The following ARFGEF2 variants were observed in gnomAD, a reference collection of about 807,000 sequenced individuals.
The protein encoded by ARFGEF2 is brefeldin A-inhibited guanine nucleotide-exchange protein 2.
Under a neutral mutation model 219.9 loss-of-function variants are expected in ARFGEF2, and 74 were observed. The ratio of observed to expected loss-of-function variants is 0.34; its 90% CI spans 0.28 to 0.41. The LOEUF (loss-of-function observed/expected upper bound fraction) is 0.41. ARFGEF2 is among the 10% of genes least tolerant of loss of function. The pLI, the probability that ARFGEF2 is intolerant of heterozygous loss-of-function variation, is 1.00. For synonymous variants in ARFGEF2, 733 were observed against 799.2 expected, an observed-to-expected ratio of 0.92 and a Z score of 1.40; for missense variants, 1,743 against 2,218.3, an observed-to-expected ratio of 0.79 and a Z score of 4.30.
At chr20:49,019,115 C>A in intron 34 of ARFGEF2, 117 bp downstream of exon 34, 1 of 849,630 alleles carries the variant, frequency 1.2e-6, no homozygotes, top group Non-Finnish European at 1.9e-6. Flanking sequence ...CTCAGTCTGC[C>A]AGTTCTCTGT....
chr20:48,945,256 A>T (rs375767476), intron 3 of ARFGEF2, among the ~76,000 whole-genome samples: 1 of 152,198 alleles, frequency 6.6e-6, no homozygotes, highest in South Asian at 2.1e-4. Context: ...AGCAACAGCT[A>T]TGCCCATTCG....
chr20:49,030,264 T>C (rs1044180799), intron 37 of ARFGEF2, among the ~76,000 whole-genome samples: 1 of 152,094 alleles, frequency 6.6e-6, no homozygotes, highest in African/African-American at 2.4e-5. Flanking sequence ...CATAATACAA[T>C]AATTTTTACC....
chr20:48,982,390 G>GC (rs2091301534), intron 14 of ARFGEF2, among the ~76,000 whole-genome samples: 1 of 152,154 alleles, frequency 6.6e-6, no homozygotes, highest in African/African-American at 2.4e-5. Context: ...TCCCAGAGGG[G>GC]CACCCGCCTG....
intron 1 of ARFGEF2, 98 bp downstream of exon 1, chr20:48,922,108 CCCCCCG>C (rs2090845737): frequency 2.7e-6 from 4 of 1,469,378 alleles, no homozygotes; most frequent in Non-Finnish European, 3.6e-6. Flanking sequence ...GCCTCCGCTT[CCCCCCG>C]ATCCCGAATT....
intron 3 of ARFGEF2, among the ~76,000 whole-genome samples, chr20:48,945,399 G>A (rs1249546950): frequency 6.6e-6 from 1 of 152,172 alleles, no homozygotes; most frequent in Non-Finnish European, 1.5e-5. Context: ...GCTCTTAACT[G>A]GCCCCTGCTC....
At chr20:48,922,137 C>A in intron 1 of ARFGEF2, 127 bp downstream of exon 1, 2 of 1,407,622 alleles carry the variant, frequency 1.4e-6, no homozygotes, top group Non-Finnish European at 1.9e-6. Flanking sequence ...ACCCTTCCGG[C>A]CTCCTCCTCA....
chr20:49,013,986 T>TA, intron 30 of ARFGEF2, 26 bp downstream of exon 30: 1 of 1,613,488 alleles, frequency 6.2e-7, no homozygotes, highest in South Asian at 1.1e-5. Flanking sequence ...AGCACTGCCC[T>TA]AGGTATGATG....
intron 37 of ARFGEF2, among the ~76,000 whole-genome samples, chr20:49,030,293 G>C (rs1432282944): frequency 2.6e-5 from 4 of 151,998 alleles, no homozygotes; most frequent in African/African-American, 7.2e-5. Flanking sequence ...AGCTGCAAAA[G>C]TGTTTTTACT....
chr20:49,031,220 CTTTTTTTTTTTTTTTTT>C (rs869105434), intron 37 of ARFGEF2, among the ~76,000 whole-genome samples: 2 of 59,396 alleles, frequency 3.4e-5, no homozygotes, highest in South Asian at 7.9e-4. Flanking sequence ...TGAGTTTGGA[CTTTTTTTTTTTTTTTTT>C]TTTTTTTTTT....
chr20:48,978,564 A>G (rs899283412), intron 14 of ARFGEF2, among the ~76,000 whole-genome samples: 6 of 152,160 alleles, frequency 3.9e-5, no homozygotes, highest in Admixed American at 2.6e-4. Flanking sequence ...CTTGGGCAGT[A>G]TGGCCATTTT....
At chr20:48,972,520 T>A in intron 11 of ARFGEF2, 95 bp downstream of exon 11, 3 of 1,005,990 alleles carry the variant, frequency 3.0e-6, no homozygotes, top group South Asian at 1.3e-5. Context: ...TTTAGAGTTT[T>A]AAAGGATTGG....
intron 26 of ARFGEF2, among the ~76,000 whole-genome samples, chr20:49,008,544 C>T (rs559607294): frequency 6.9e-6 from 1 of 145,444 alleles, no homozygotes; most frequent in Non-Finnish European, 1.5e-5. Flanking sequence ...GCCTGAATGA[C>T]GAGAGAAACT....
intron 14 of ARFGEF2, among the ~76,000 whole-genome samples, chr20:48,976,402 C>A (rs890312112): frequency 4.6e-5 from 7 of 152,116 alleles, no homozygotes; most frequent in African/African-American, 1.7e-4. Flanking sequence ...ACTTTAATAC[C>A]TTTGTGTGGT....
At chr20:49,018,376 C>T (rs1259393504) in intron 33 of ARFGEF2, among the ~76,000 whole-genome samples, 1 of 152,108 alleles carries the variant, frequency 6.6e-6, no homozygotes, top group East Asian at 1.9e-4. Flanking sequence ...GCTGGGATTA[C>T]AGGTGCCCGC....
chr20:48,997,646 C>A (rs910404154), intron 23 of ARFGEF2, among the ~76,000 whole-genome samples: 7 of 152,130 alleles, frequency 4.6e-5, no homozygotes, highest in East Asian at 3.8e-4. Context: ...AGTTCACTTT[C>A]CTTGAACCGT....
intron 36 of ARFGEF2, among the ~76,000 whole-genome samples, chr20:49,027,388 C>T (rs1000272393): frequency 6.6e-6 from 1 of 152,120 alleles, no homozygotes; most frequent in Non-Finnish European, 1.5e-5. Context: ...TTTCGCCAGC[C>T]AATAAGCAAA....
At position 48,976,084 on chromosome 20, in the gene ARFGEF2, G is replaced by A. The variant is rs372837655; in HGVS notation, c.1843G>A (p.Val615Met). 41 of 1,613,290 alleles carry A rather than the reference G, an allele frequency of 2.5e-5. No individual in the cohort carries two copies. The Middle Eastern group carries it at 9.1e-4, about 36-fold the overall frequency. ...CCTTGACATGGCAAGACGGTGTAGT[G>A]TGACGTCCATGGAGTCCACAGTGTC... ...KGLDMARRCS[V>M]TSMESTVSSG... is the part of the protein sequence containing the mutation. Residue 615 changes from valine (V) to methionine (M), a missense_variant, in exon 14 of 39, where the codon GTG becomes ATG. This residue lies in a region of ARFGEF2 where 666 missense variants were observed against 955.4 expected (regional missense o/e 0.70). Transcript: ENST00000371917.
intron 6 of ARFGEF2, among the ~76,000 whole-genome samples, chr20:48,963,174 T>TTAAAAA (rs1177418270): frequency 1.5e-5 from 1 of 66,110 alleles, no homozygotes. Context: ...AAACTCTGTC[T>TTAAAAA]CAAAAAAAAA....
intron 34 of ARFGEF2, among the ~76,000 whole-genome samples, chr20:49,021,573 C>T (rs1420977412): frequency 1.3e-5 from 2 of 151,616 alleles, no homozygotes; most frequent in African/African-American, 2.4e-5. Context: ...TGGGGCCGGG[C>T]GCGGTGGCTC....
Sources: allele counts gnomAD v4.1 joint callset (sites outside exome capture counted in the v4.1 genomes callset), GRCh38; gene constraint gnomAD v4.1.1; regional missense constraint gnomAD v4.1.1; transcripts MANE v1.5; gene names NCBI Gene and HGNC (gene_info 2026-07-23, HGNC 2026-07-21).